Variants in THSD7B observed in about 807,000 individuals in gnomAD.
THSD7B encodes thrombospondin type 1 domain containing 7B.
Under a neutral mutation model 213.6 loss-of-function variants are expected in THSD7B, and 138 were observed. The ratio of observed to expected loss-of-function variants is 0.65; its 90% CI spans 0.56 to 0.74. THSD7B has a LOEUF of 0.74. Among genes scored for constraint, THSD7B ranks in the 30% least tolerant of loss-of-function variants. THSD7B has a pLI of 0.00. For missense variants in THSD7B, 1,931 were observed against 1,991.5 expected (o/e 0.97, Z 0.58); for synonymous variants, 742 against 687.0 (o/e 1.08, Z -1.25).
chr2:137,505,040 A>AGGAG (rs1679803450), intron 15 of THSD7B, among the ~76,000 whole-genome samples: 2 of 151,664 alleles, frequency 1.3e-5, no homozygotes, highest in South Asian at 2.1e-4. Flanking sequence ...TAGGGAGAAA[A>AGGAG]GGAGGGAGGG....
chr2:137,550,506 A>G (rs1351447587), intron 15 of THSD7B, among the ~76,000 whole-genome samples: 1 of 152,134 alleles, frequency 6.6e-6, no homozygotes, highest in Non-Finnish European at 1.5e-5. Context: ...GCCATTACAA[A>G]TAATATAAAC....
intron 12 of THSD7B, among the ~76,000 whole-genome samples, chr2:137,361,794 G>C (rs1398527894): frequency 2.6e-5 from 4 of 152,204 alleles, no homozygotes; most frequent in Non-Finnish European, 5.9e-5. Flanking sequence ...ATGGAACCAA[G>C]TTGGAAAACA....
intron 12 of THSD7B, among the ~76,000 whole-genome samples, chr2:137,360,302 G>A (rs1354659740): frequency 2.0e-5 from 3 of 152,118 alleles, no homozygotes; most frequent in South Asian, 2.1e-4. Context: ...TGTGATCGAC[G>A]CAGAAGACCG....
intron 17 of THSD7B, among the ~76,000 whole-genome samples, chr2:137,575,744 T>TATATATATATATA (rs1558845594): frequency 5.4e-5 from 6 of 111,504 alleles, no homozygotes; most frequent in African/African-American, 1.7e-4. Flanking sequence ...ATATATATAT[T>TATATATATATATA]TTTACTTTAA....
intron 15 of THSD7B, among the ~76,000 whole-genome samples, chr2:137,510,134 A>G (rs1679929001): frequency 6.6e-6 from 1 of 152,088 alleles, no homozygotes. Flanking sequence ...AATTGGTATG[A>G]TTGGATTTAG....
intron 2 of THSD7B, among the ~76,000 whole-genome samples, chr2:136,898,663 A>G (rs1377210888): frequency 1.7e-5 from 1 of 57,892 alleles, no homozygotes; most frequent in African/African-American, 8.6e-5. Flanking sequence ...TTTTTTTTTG[A>G]AATGGAGTCT....
At chr2:136,796,639 T>C (rs1682070447) in intron 1 of THSD7B, among the ~76,000 whole-genome samples, 2 of 151,982 alleles carry the variant, frequency 1.3e-5, no homozygotes, top group Non-Finnish European at 2.9e-5. Context: ...AAAACTGAAA[T>C]ATTCCCCAGT....
chr2:136,908,856 A>C (rs1684212846), intron 2 of THSD7B, among the ~76,000 whole-genome samples: 1 of 152,142 alleles, frequency 6.6e-6, no homozygotes, highest in Non-Finnish European at 1.5e-5. Context: ...AAGTAAACTT[A>C]TGGGAACAAC....
intron 15 of THSD7B, among the ~76,000 whole-genome samples, chr2:137,493,730 A>G (rs1679488175): frequency 6.6e-6 from 1 of 152,180 alleles, no homozygotes; most frequent in Non-Finnish European, 1.5e-5. Context: ...AGAGAAAAGC[A>G]ACATAATGTA....
At chr2:137,295,402 C>T (rs1391594464) in intron 12 of THSD7B, among the ~76,000 whole-genome samples, 1 of 152,058 alleles carries the variant, frequency 6.6e-6, no homozygotes, top group Non-Finnish European at 1.5e-5. Context: ...AACTTTGCTG[C>T]ATATTATGCC....
At chr2:137,584,785 G>C (rs1337046001) in intron 17 of THSD7B, among the ~76,000 whole-genome samples, 2 of 152,182 alleles carry the variant, frequency 1.3e-5, no homozygotes, top group African/African-American at 4.8e-5. Flanking sequence ...AGGGATATTG[G>C]TCTAAAATTC....
chr2:137,075,609 C>G (rs976222423), intron 3 of THSD7B, among the ~76,000 whole-genome samples: 2 of 152,190 alleles, frequency 1.3e-5, no homozygotes, highest in African/African-American at 4.8e-5. Context: ...CTCCGTCCAG[C>G]TTTGTTCTGT....
intron 1 of THSD7B, among the ~76,000 whole-genome samples, chr2:136,834,572 G>T (rs902584569): frequency 6.6e-6 from 1 of 152,006 alleles, no homozygotes; most frequent in African/African-American, 2.4e-5. Flanking sequence ...GCATCTCGGT[G>T]TCAGAGTTTT....
chr2:137,647,863 TC>T (rs1175033444), intron 21 of THSD7B, among the ~76,000 whole-genome samples: 1 of 152,130 alleles, frequency 6.6e-6, no homozygotes, highest in Non-Finnish European at 1.5e-5. Flanking sequence ...TAGCGTCCCC[TC>T]CTTTCCTGCT....
chr2:136,765,962 C>A (rs1234613816), intron 1 of THSD7B, among the ~76,000 whole-genome samples: 2 of 152,226 alleles, frequency 1.3e-5, no homozygotes, highest in African/African-American at 4.8e-5. Flanking sequence ...ACGCCCCACG[C>A]GGCGACCTGA....
At chr2:137,049,943 C>G (rs531467280) in intron 2 of THSD7B, among the ~76,000 whole-genome samples, 1 of 152,254 alleles carries the variant, frequency 6.6e-6, no homozygotes, top group South Asian at 2.1e-4. Context: ...TAGAACTGTT[C>G]TAATAGAAAC....
At chr2:136,859,393 A>C (rs1683225791) in intron 1 of THSD7B, among the ~76,000 whole-genome samples, 1 of 152,202 alleles carries the variant, frequency 6.6e-6, no homozygotes, top group Non-Finnish European at 1.5e-5. Flanking sequence ...AGAATTAAAA[A>C]TTCTCTTCTC....
chr2:137,544,652 GAA>G (rs1680673856), intron 15 of THSD7B, among the ~76,000 whole-genome samples: 1 of 151,716 alleles, frequency 6.6e-6, no homozygotes, highest in Non-Finnish European at 1.5e-5. Flanking sequence ...TATTTTTAAT[GAA>G]GAGTGATTTT....
intron 13 of THSD7B, among the ~76,000 whole-genome samples, chr2:137,410,002 G>T (rs1232705066): frequency 2.0e-5 from 3 of 152,136 alleles, no homozygotes; most frequent in Admixed American, 6.5e-5. Context: ...GAAGAGAAAT[G>T]AAACTGAAGA....
Sources: allele counts gnomAD v4.1 joint callset (sites outside exome capture counted in the v4.1 genomes callset), GRCh38; gene constraint gnomAD v4.1.1; transcripts MANE v1.5; gene names NCBI Gene and HGNC (gene_info 2026-07-23, HGNC 2026-07-21).